The following ITPRIPL2 variants were observed in gnomAD, a reference collection of about 807,000 sequenced individuals.
ITPRIPL2 encodes ITPRIP like 2.
Under a neutral mutation model 31.7 loss-of-function variants are expected in ITPRIPL2, and 29 were observed. That is an observed-to-expected ratio of 0.91 (90% confidence interval 0.68 to 1.25). The LOEUF (loss-of-function observed/expected upper bound fraction) is 1.25. Among genes scored for constraint, ITPRIPL2 ranks in the 50% most tolerant of loss-of-function variants. The pLI, the probability that ITPRIPL2 is intolerant of heterozygous loss-of-function variation, is 0.00. For missense variants in ITPRIPL2, 696 were observed against 739.1 expected (o/e 0.94, Z 0.68); for synonymous variants, 344 against 343.4 (o/e 1.00, Z -0.02).
Position 19,115,336 on chromosome 16 carries a change from T to A in ITPRIPL2, c.875T>A (p.Leu292Ter), listed in dbSNP as rs771461963. 5.0e-6 allele frequency: 8 copies of A among 1,613,340 alleles called. No homozygotes were observed. Residue 292 changes from leucine (L) to a stop codon, truncating the protein, a stop_gained, in exon 1 of 1, where the codon TTG becomes TAG. Coordinates refer to ENST00000381440, the MANE Select transcript of ITPRIPL2 (RefSeq NM_001034841.4). LOFTEE classifies it high-confidence loss of function. ...GAACAGCCCCCCACCTTACACATCT[T>A]GCCCTGCCGCACTGACTACGGCTGC... ...GLEQPPTLHI[L>*]PCRTDYGCCR... is the part of the protein sequence containing the mutation.
In ITPRIPL2 at chr16:19,121,447, G is replaced by C. The variant is rs1963519769; in HGVS notation, c.*5378G>C. 1 of 167,042 alleles carries C rather than the reference G, an allele frequency of 6.0e-6. No homozygotes were observed. The highest frequency in any genetic ancestry group is 2.4e-5 in the African/African-American group (1 of 41,436). 10.3% of individuals were successfully genotyped at this position (167,042 alleles called of 1,614,324 possible). ...CAAAGAGTTAATCAGATATGGTTCA[G>C]CTGCTACAATTGTATGATTCAAAGG... On this transcript the variant is annotated 3_prime_UTR_variant, in exon 1 of 1. Transcript: ENST00000381440.
rs1248708235 is a variant in ITPRIPL2, at chr16:19,120,625, A to ATATATATATATATATAT, written c.*4557_*4558insATATATATATATATATT. ...CTAATATATATATATATATATATAT[A>ATATATATATATATATAT]TTTTTTTTTTTTTTTTTTAGTAGAG... On this transcript the variant is annotated 3_prime_UTR_variant, in exon 1 of 1. Coordinates refer to ENST00000381440, the MANE Select transcript of ITPRIPL2 (RefSeq NM_001034841.4). The ATATATATATATATATAT allele has an allele frequency of 3.3e-5, 3 of 92,166 alleles. No individual in the cohort carries two copies. Among genetic ancestry groups the ATATATATATATATATAT allele is most frequent in the African/African-American group, 1.5e-4 (3 of 20,038 alleles). 5.7% of individuals were successfully genotyped at this position (92,166 alleles called of 1,614,324 possible). A position where few individuals can be genotyped will look rare whatever the true frequency, so the allele number is the denominator to read the frequency against.
In ITPRIPL2 at chr16:19,118,238, C is replaced by G. The variant is rs778858560; in HGVS notation, c.*2169C>G. On this transcript the variant is annotated 3_prime_UTR_variant, in exon 1 of 1. Transcript: ENST00000381440. ...CCAGCACTTTGGGAGGCGAGGTGGG[C>G]GGATCACCTGAGGTCAGGAGTTCAA... 1 of 166,034 alleles carries G rather than the reference C, an allele frequency of 6.0e-6. No homozygotes were observed. Among genetic ancestry groups the G allele is most frequent in the South Asian group, 2.1e-4 (1 of 4,790 alleles). The allele number at this position is 166,034 out of a possible 1,614,324, so 10.3% of individuals were successfully genotyped here.
In ITPRIPL2 at chr16:19,115,126, G is replaced by T. The variant is rs1213448224; in HGVS notation, c.665G>T (p.Gly222Val). Residue 222 changes from glycine (G) to valine (V), a missense_variant, in exon 1 of 1, where the codon GGG becomes GTG. Transcript: ENST00000381440. ...KAPPSPSGAS[G>V]GHWLRDCKPF... ...CCACCCTCACCATCGGGGGCCTCGG[G>T]GGGCCACTGGCTTCGGGACTGCAAA... 6.2e-7 allele frequency: 1 copy of T among 1,602,272 alleles called. No homozygotes were observed. Among genetic ancestry groups the T allele is most frequent in the Non-Finnish European group, 8.5e-7 (1 of 1,179,916 alleles).
rs1267366933 is a variant in ITPRIPL2 at position 19,115,738 on chromosome 16, A to G, written c.1277A>G (p.Asp426Gly). ...LRKGAPGQGW[D>G]EEHLGRCLEE... ...AAGGGGGCCCCTGGGCAAGGCTGGGACGAGGAGCACCTGGGAAGGTGTTTG... is the reference window on the plus strand; with the variant it reads ...AAGGGGGCCCCTGGGCAAGGCTGGGGCGAGGAGCACCTGGGAAGGTGTTTG... The change falls in exon 1 of 1, where the codon GAC becomes GGC. Residue 426 changes from aspartate (D) to glycine (G), a missense_variant. Asp to Gly is a moderately conservative substitution (Grantham distance 94). Transcript: ENST00000381440. The G allele has an allele frequency of 6.2e-7, 1 of 1,613,008 alleles. No individual in the cohort carries two copies. Among genetic ancestry groups the G allele is most frequent in the South Asian group, 1.1e-5 (1 of 91,084 alleles).
Position 19,114,721 on chromosome 16 carries a change from T to A in ITPRIPL2, c.260T>A (p.Phe87Tyr). 6.2e-7 allele frequency: 1 copy of A among 1,612,704 alleles called. No homozygotes were observed. The highest frequency in any genetic ancestry group is 8.5e-7 in the Non-Finnish European group (1 of 1,179,860). The change falls in exon 1 of 1, where the codon TTC becomes TAC. Residue 87 changes from phenylalanine (F) to tyrosine (Y), a missense_variant. Phe to Tyr is a conservative substitution (Grantham distance 22). Coordinates refer to ENST00000381440, the MANE Select transcript of ITPRIPL2 (RefSeq NM_001034841.4). ...CCCCGTCTGGAGGGTCACGCCGCCT[T>A]CTCCTCGAGACACTTCCGAGAGCCG... ...GSPRLEGHAA[F>Y]SSRHFREPGL...
Position 19,114,771 on chromosome 16 carries a change from T to G in ITPRIPL2, c.310T>G (p.Tyr104Asp), listed in dbSNP as rs776583274. ...GGGCCTCAGCATCCTGCTGGAGAGT[T>G]ACTACGAGCATGAGGTGCGCCTGTC... ...EPGLSILLES[Y>D]YEHEVRLSPH... The change falls in exon 1 of 1, where the codon TAC becomes GAC. Residue 104 changes from tyrosine to aspartate, a missense_variant. Physicochemically the swap from Tyr to Asp is radical, Grantham distance 160. Transcript: ENST00000381440. The G allele has an allele frequency of 6.2e-7, 1 of 1,612,426 alleles. No homozygotes were observed. Among genetic ancestry groups the G allele is most frequent in the Non-Finnish European group, 8.5e-7 (1 of 1,179,804 alleles).
Position 19,115,261 on chromosome 16 carries a change from G to A in ITPRIPL2, c.800G>A (p.Arg267His), listed in dbSNP as rs1210647801. ...SHLQRSLATV[R>H]YSLEGRCRVT... ...CTGCAGCGCTCCTTGGCCACTGTGC[G>A]TTACAGCCTGGAGGGGCGCTGTCGG... The change falls in exon 1 of 1, where the codon CGT becomes CAT. Residue 267 changes from arginine (R) to histidine (H), a missense_variant. Physicochemically the swap from Arg to His is conservative, Grantham distance 29. Transcript: ENST00000381440. The A allele has an allele frequency of 6.2e-7, 1 of 1,612,192 alleles. No homozygotes were observed. Among genetic ancestry groups the A allele is most frequent in the Non-Finnish European group, 8.5e-7 (1 of 1,180,026 alleles).
In ITPRIPL2 at chr16:19,114,875, G is replaced by C. The variant is rs906340760; in HGVS notation, c.414G>C (p.Gly138=). 3.7e-6 allele frequency: 6 copies of C among 1,606,038 alleles called. No homozygotes were observed. Among genetic ancestry groups the C allele is most frequent in the Non-Finnish European group, 5.1e-6 (6 of 1,176,934 alleles). The change falls in exon 1 of 1, where the codon GGG becomes GGC. Residue 138 remains glycine, a synonymous_variant. Coordinates refer to ENST00000381440, the MANE Select transcript of ITPRIPL2 (RefSeq NM_001034841.4). ...TGGTGCGGGCTGGCCGCGCCCGGGGGTCCCCCGGTCTCATTCCTGGGGGAG... is the reference window on the plus strand; with the variant it reads ...TGGTGCGGGCTGGCCGCGCCCGGGGCTCCCCCGGTCTCATTCCTGGGGGAG... ...GELVRAGRAR[G]SPGLIPGGAL...
rs576965253 is a variant in ITPRIPL2 at position 19,118,979 on chromosome 16, C to T, written c.*2910C>T. 3 of 413,468 alleles carry T rather than the reference C, an allele frequency of 7.3e-6. No individual in the cohort carries two copies. The highest frequency in any genetic ancestry group is 1.3e-5 in the Non-Finnish European group (3 of 226,156). The allele number at this position is 413,468 out of a possible 1,614,324, so 25.6% of individuals were successfully genotyped here. ...GGAGATTCATATATGCAAATATTCT[C>T]ATGCAAGAAGTTCCACAGTAACAAC... On this transcript the variant is annotated 3_prime_UTR_variant, in exon 1 of 1. Coordinates refer to ENST00000381440, the MANE Select transcript of ITPRIPL2 (RefSeq NM_001034841.4).
Position 19,116,120 on chromosome 16 carries a change from G to A in ITPRIPL2, c.*51G>A. On this transcript the variant is annotated 3_prime_UTR_variant, in exon 1 of 1. Coordinates refer to ENST00000381440, the MANE Select transcript of ITPRIPL2 (RefSeq NM_001034841.4). The stretch of plus-strand genomic sequence containing the variant: ...AAATGCTCCTAAAGCCTTTCCCACT[G>A]GGTGGGGGTGGGAATGGCGGTGAAG... 1 of 1,484,586 alleles carries A rather than the reference G, an allele frequency of 6.7e-7. No individual in the cohort carries two copies. The highest frequency in any genetic ancestry group is 9.1e-7 in the Non-Finnish European group (1 of 1,104,182). 92.0% of individuals were successfully genotyped at this position (1,484,586 alleles called of 1,614,324 possible). A position where few individuals can be genotyped will look rare whatever the true frequency, so the allele number is the denominator to read the frequency against.
chr16:19,121,627 A>C lies in ITPRIPL2; in HGVS notation c.*5558A>C, dbSNP rs778805634. The C allele has an allele frequency of 1.2e-5, 2 of 167,014 alleles. No individual in the cohort carries two copies. Among genetic ancestry groups the C allele is most frequent in the African/African-American group, 2.4e-5 (1 of 41,440 alleles). 10.3% of individuals were successfully genotyped at this position (167,014 alleles called of 1,614,324 possible). On this transcript the variant is annotated 3_prime_UTR_variant, in exon 1 of 1. Coordinates refer to ENST00000381440, the MANE Select transcript of ITPRIPL2 (RefSeq NM_001034841.4). ...GCTTTATTAATAAAGGAACTTGTAG[A>C]AACCTCTGGACTGAATGTCAGATCT...
rs1963510421 is a variant in ITPRIPL2 at position 19,120,760 on chromosome 16, G to A, written c.*4691G>A. ...ATTACAGGTGTGAGTGAGCCACCGC[G>A]GCCGGCCTCTATCATTTTCTGACTC... is the stretch of plus-strand genomic sequence containing the variant. On this transcript the variant is annotated 3_prime_UTR_variant, in exon 1 of 1. Transcript: ENST00000381440. The A allele has an allele frequency of 1.2e-5, 2 of 165,844 alleles. No individual in the cohort carries two copies. Among genetic ancestry groups the A allele is most frequent in the African/African-American group, 4.9e-5 (2 of 41,142 alleles). 10.3% of individuals were successfully genotyped at this position (165,844 alleles called of 1,614,324 possible). A position where few individuals can be genotyped will look rare whatever the true frequency, so the allele number is the denominator to read the frequency against.
rs538289210 is a variant in ITPRIPL2, at chr16:19,116,160, G to C, written c.*91G>C. 7.6e-7 allele frequency: 1 copy of C among 1,320,788 alleles called. No individual in the cohort carries two copies. The highest frequency in any genetic ancestry group is 1.5e-5 in the African/African-American group (1 of 67,774). 81.8% of individuals were successfully genotyped at this position (1,320,788 alleles called of 1,614,324 possible). ...TGGCGGTGAAGCCAGTTAAATGCAA[G>C]ATTGCAGAAGGCATTGGAAAATTTG... On this transcript the variant is annotated 3_prime_UTR_variant, in exon 1 of 1. Transcript: ENST00000381440.
Position 19,115,222 on chromosome 16 carries a change from G to C in ITPRIPL2, c.761G>C (p.Trp254Ser), listed in dbSNP as rs1963422409. Reference protein sequence around the residue: ...RHLSATLVLRWFQSHLQRSLA... With the variant: ...RHLSATLVLRSFQSHLQRSLA... ...CTCTCTGCTACTCTGGTGCTGCGCT[G>C]GTTCCAGTCGCATCTGCAGCGCTCC... The change falls in exon 1 of 1, where the codon TGG becomes TCG. Residue 254 changes from tryptophan to serine, a missense_variant. Physicochemically the swap from Trp to Ser is radical, Grantham distance 177. Transcript: ENST00000381440. 6.2e-7 allele frequency: 1 copy of C among 1,609,876 alleles called. No individual in the cohort carries two copies. The highest frequency in any genetic ancestry group is 8.5e-7 in the Non-Finnish European group (1 of 1,180,018).
Position 19,116,080 on chromosome 16 carries a change from C to T in ITPRIPL2, c.*11C>T. On this transcript the variant is annotated 3_prime_UTR_variant, in exon 1 of 1. Transcript: ENST00000381440. ...GAAGGTGAACCGTAAACCCTGACAG[C>T]ACCCCCACCTGACCAAATGCTCCTA... is the stretch of plus-strand genomic sequence containing the variant. 6.4e-7 allele frequency: 1 copy of T among 1,555,336 alleles called. No individual in the cohort carries two copies. Among genetic ancestry groups the T allele is most frequent in the South Asian group, 1.2e-5 (1 of 82,576 alleles).
At position 19,118,082 on chromosome 16, in the gene ITPRIPL2, T is replaced by A. The variant is rs569359240; in HGVS notation, c.*2013T>A. 99 of 164,196 alleles carry A rather than the reference T, an allele frequency of 6.0e-4. No homozygotes were observed. Among genetic ancestry groups the A allele is most frequent in the Non-Finnish European group, 1.1e-3 (72 of 67,486 alleles). 10.2% of individuals were successfully genotyped at this position (164,196 alleles called of 1,614,324 possible). ...ATATATATATATATGTATACATATTTTATATATATATATATTTCCATACTC... is the reference window on the plus strand; with the variant it reads ...ATATATATATATATGTATACATATTATATATATATATATATTTCCATACTC... On this transcript the variant is annotated 3_prime_UTR_variant, in exon 1 of 1. Transcript: ENST00000381440.
Position 19,116,196 on chromosome 16 carries a change from C to T in ITPRIPL2, c.*127C>T. ...GCATTGGAAAATTTGGTGGCTGCCA[C>T]AAGCTTTAGTGGCTTAAATATCACC... On this transcript the variant is annotated 3_prime_UTR_variant, in exon 1 of 1. Transcript: ENST00000381440. 1.1e-6 allele frequency: 1 copy of T among 913,068 alleles called. No homozygotes were observed. Among genetic ancestry groups the T allele is most frequent in the African/African-American group, 1.7e-5 (1 of 59,858 alleles). 56.6% of individuals were successfully genotyped at this position (913,068 alleles called of 1,614,324 possible). A position where few individuals can be genotyped will look rare whatever the true frequency, so the allele number is the denominator to read the frequency against.
Position 19,117,663 on chromosome 16 carries a change from G to C in ITPRIPL2, c.*1594G>C, listed in dbSNP as rs1963460995. 6.0e-6 allele frequency: 1 copy of C among 167,060 alleles called. No individual in the cohort carries two copies. Among genetic ancestry groups the C allele is most frequent in the African/African-American group, 2.4e-5 (1 of 41,446 alleles). 10.3% of individuals were successfully genotyped at this position (167,060 alleles called of 1,614,324 possible). On this transcript the variant is annotated 3_prime_UTR_variant, in exon 1 of 1. Coordinates refer to ENST00000381440, the MANE Select transcript of ITPRIPL2 (RefSeq NM_001034841.4). ...AGACTCTTAAAGCTAAAATTTGGAAGACAGAAATGCCTATGTGAATAGAAT... is the reference window on the plus strand; with the variant it reads ...AGACTCTTAAAGCTAAAATTTGGAACACAGAAATGCCTATGTGAATAGAAT...
Sources: allele counts gnomAD v4.1 joint callset, GRCh38; gene constraint gnomAD v4.1.1; transcripts MANE v1.5; gene names NCBI Gene and HGNC (gene_info 2026-07-23, HGNC 2026-07-21).